Variants in UHMK1 observed in about 807,000 individuals in gnomAD.
The protein encoded by UHMK1 is serine/threonine-protein kinase Kist.
Under a neutral mutation model 44.0 loss-of-function variants are expected in UHMK1, and 18 were observed. The ratio of observed to expected loss-of-function variants is 0.41; its 90% confidence interval spans 0.28 to 0.61. UHMK1 has a LOEUF of 0.61. UHMK1 is among the 20% of genes least tolerant of loss of function. The probability of loss-of-function intolerance (pLI) is 0.31; values close to 1 mark genes in which losing one functional copy is unlikely to be tolerated. For missense variants in UHMK1, 463 were observed against 522.5 expected (o/e 0.89, Z 1.11); for synonymous variants, 231 against 198.5 (o/e 1.16, Z -1.38).
chr1:162,501,458 G>A (rs878939591), intron 3 of UHMK1, among the ~76,000 whole-genome samples: 1 of 152,072 alleles, frequency 6.6e-6, no homozygotes, highest in African/African-American at 2.4e-5. Flanking sequence ...ATGAGCCACC[G>A]CACCTGGCCA....
chr1:162,514,601 GGAAGGAAGGAAA>G (rs1651775104), intron 6 of UHMK1, among the ~76,000 whole-genome samples: 1 of 152,070 alleles, frequency 6.6e-6, no homozygotes, highest in Admixed American at 6.6e-5. Context: ...ATTTATTGTA[GGAAGGAAGGAAA>G]GAAGGAAGGA....
In UHMK1 at chr1:162,518,143, C is replaced by T. The variant is rs762110811; in HGVS notation, c.1066C>T (p.Pro356Ser). The T allele has an allele frequency of 4.3e-6, 7 of 1,613,222 alleles. No homozygotes were observed. In the South Asian group the frequency reaches 7.7e-5, roughly 18 times the overall value. The change falls in exon 7 of 8, where the codon CCA becomes TCA. Residue 356 changes from proline to serine, a missense_variant. By Grantham distance (74) the Pro-to-Ser change is moderately conservative. Transcript: ENST00000489294. Reference protein sequence around the residue: ...DVKEECQKYGPVVSLLVPKEN... With the variant: ...DVKEECQKYGSVVSLLVPKEN... The stretch of plus-strand genomic sequence containing the variant: ...AAAAGAGGAGTGTCAAAAATATGGA[C>T]CAGTGGTATCTCTACTTGTTCCAAA...
At chr1:162,501,903 C>A (rs377258606) in intron 3 of UHMK1, among the ~76,000 whole-genome samples, 3 of 141,104 alleles carry the variant, frequency 2.1e-5, no homozygotes, top group South Asian at 2.2e-4. Flanking sequence ...GCCCAGGCAA[C>A]GTAGTGAGAC....
chr1:162,497,518 G>T (rs1651090067), upstream of UHMK1, among the ~76,000 whole-genome samples: 1 of 152,084 alleles, frequency 6.6e-6, no homozygotes, highest in Admixed American at 6.6e-5. Flanking sequence ...TTTTGTTCCT[G>T]GGGTGTTTTC....
chr1:162,505,398 A>C (rs1285363553), intron 4 of UHMK1, among the ~76,000 whole-genome samples: 1 of 144,544 alleles, frequency 6.9e-6, no homozygotes, highest in African/African-American at 2.6e-5. Flanking sequence ...AGGGCGATGT[A>C]CTTTAAAGTA....
intron 4 of UHMK1, among the ~76,000 whole-genome samples, chr1:162,504,521 CTA>C (rs1312054985): frequency 2.6e-5 from 4 of 152,174 alleles, no homozygotes; most frequent in African/African-American, 9.7e-5. Flanking sequence ...GTACCAAATA[CTA>C]TAGACAGTTG....
chr1:162,504,803 C>A (rs1651409420), intron 4 of UHMK1, among the ~76,000 whole-genome samples: 1 of 152,092 alleles, frequency 6.6e-6, no homozygotes, highest in South Asian at 2.1e-4. Flanking sequence ...GAGACAGAGT[C>A]ACACTCCATC....
At chr1:162,512,858 T>C (rs1455682386) in intron 6 of UHMK1, 35 bp downstream of exon 6, 1 of 1,573,604 alleles carries the variant, frequency 6.4e-7, no homozygotes, top group African/African-American at 1.4e-5. Flanking sequence ...TAATGTGTCT[T>C]TCTTAAATAA....
chr1:162,511,201 T>A (rs1651657598), intron 4 of UHMK1, among the ~76,000 whole-genome samples: 1 of 147,656 alleles, frequency 6.8e-6, no homozygotes, highest in Non-Finnish European at 1.5e-5. Context: ...TTTTTTTTTT[T>A]TTTTTTTGAG....
At chr1:162,506,234 C>A (rs1267123409) in intron 4 of UHMK1, among the ~76,000 whole-genome samples, 7 of 134,942 alleles carry the variant, frequency 5.2e-5, no homozygotes, top group South Asian at 2.6e-4. Flanking sequence ...CCCCCCCCCC[C>A]CCACCATTTT....
Position 162,503,744 on chromosome 1 carries a change from G to A in UHMK1, c.754-10G>A, listed in dbSNP as rs774092592. 5.6e-6 allele frequency: 9 copies of A among 1,612,132 alleles called. No individual in the cohort carries two copies. The highest frequency in any genetic ancestry group is 4.5e-5 in the East Asian group (2 of 44,838). ...AATAACCAAAGGAAAACTTTTCTCC[G>A]TTTTTTAAGGCAAACAGTTCTGCTA... On this transcript the variant is annotated splice_polypyrimidine_tract_variant and intron_variant, in intron 3 of 7. Transcript: ENST00000489294.
intron 1 of UHMK1, among the ~76,000 whole-genome samples, chr1:162,499,442 C>T (rs1034428488): frequency 3.3e-5 from 5 of 152,254 alleles, no homozygotes; most frequent in African/African-American, 1.2e-4. Context: ...GCTGGGATCA[C>T]GGGCATGAGC....
chr1:162,505,816 C>T (rs1038562601), intron 4 of UHMK1, among the ~76,000 whole-genome samples: 9 of 152,304 alleles, frequency 5.9e-5, no homozygotes, highest in African/African-American at 2.2e-4. Context: ...AATATTGGCC[C>T]TATAAACCTT....
At chr1:162,506,169 T>C (rs953271636) in intron 4 of UHMK1, among the ~76,000 whole-genome samples, 2 of 151,892 alleles carry the variant, frequency 1.3e-5, no homozygotes, top group African/African-American at 4.8e-5. Context: ...GGAAGTTAAA[T>C]TTTCATCTAA....
chr1:162,527,610 G>A lies in UHMK1; in HGVS notation c.*5060G>A, dbSNP rs1422434919. On this transcript the variant is annotated 3_prime_UTR_variant, in exon 8 of 8. Transcript: ENST00000489294. ...TGCTTTTCAGAGAGTTGTCATAATTGTGGCAGTTGTGTTTGTGGCACTGTA... is the reference window on the plus strand; with the variant it reads ...TGCTTTTCAGAGAGTTGTCATAATTATGGCAGTTGTGTTTGTGGCACTGTA... The A allele has an allele frequency of 6.6e-6, 1 of 152,048 alleles. No homozygotes were observed. The highest frequency in any genetic ancestry group is 1.5e-5 in the Non-Finnish European group (1 of 67,948). The allele number at this position is 152,048 out of a possible 1,614,324, so 9.4% of individuals were successfully genotyped here. A position where few individuals can be genotyped will look rare whatever the true frequency, so the allele number is the denominator to read the frequency against.
Position 162,512,545 on chromosome 1 carries a change from A to T in UHMK1, c.894A>T (p.Ala298=). The change falls in exon 5 of 8, where the codon GCA becomes GCT. Residue 298 remains alanine (A), a synonymous_variant. Coordinates refer to ENST00000489294, the MANE Select transcript of UHMK1 (RefSeq NM_175866.5). ...GCAGAAGAATTCCTGCTGAAATGGC[A>T]TTGTGCAGCCCATTCTTTAGCATTC... The part of the protein sequence containing the change: ...DPSRRIPAEM[A]LCSPFFSIPF... The T allele has an allele frequency of 6.2e-7, 1 of 1,613,000 alleles. No homozygotes were observed. Among genetic ancestry groups the T allele is most frequent in the South Asian group, 1.1e-5 (1 of 90,660 alleles).
At position 162,528,585 on chromosome 1, in the gene UHMK1, T is replaced by C. The variant is rs1244076946; in HGVS notation, c.*6035T>C. 6.6e-6 allele frequency: 1 copy of C among 152,078 alleles called. No homozygotes were observed. The highest frequency in any genetic ancestry group is 1.5e-5 in the Non-Finnish European group (1 of 67,940). 9.4% of individuals were successfully genotyped at this position (152,078 alleles called of 1,614,324 possible). On this transcript the variant is annotated 3_prime_UTR_variant, in exon 8 of 8. Transcript: ENST00000489294. ...GTTAGCCATCTCCATTATTTCCTTT[T>C]GCACATTGGGTACAGTGGGTGGCAT...
chr1:162,512,416 C>G, intron 4 of UHMK1, 84 bp from the exon 5 acceptor site: 1 of 1,047,914 alleles, frequency 9.5e-7, no homozygotes, highest in East Asian at 2.4e-5. Flanking sequence ...CTGTGATGAA[C>G]ATTCAGACAT....
intron 4 of UHMK1, among the ~76,000 whole-genome samples, chr1:162,505,494 A>G (rs984148646): frequency 6.6e-6 from 1 of 152,278 alleles, no homozygotes; most frequent in Non-Finnish European, 1.5e-5. Context: ...TTTTGTTTAC[A>G]TCTATGTCCT....
Sources: allele counts gnomAD v4.1 joint callset (sites outside exome capture counted in the v4.1 genomes callset), GRCh38; gene constraint gnomAD v4.1.1; transcripts MANE v1.5; gene names NCBI Gene and HGNC (gene_info 2026-07-23, HGNC 2026-07-21).